Variants in LHFPL3 observed in about 807,000 individuals in gnomAD.
LHFPL3 encodes LHFPL tetraspan subfamily member 3 protein.
LHFPL3 carries 5 observed loss-of-function variants against 19.3 expected under a neutral mutation model. The observed-to-expected ratio is 0.26, with a 90% CI of 0.14 to 0.54. The LOEUF is 0.54. Ranked by LOEUF, LHFPL3 falls within the 20% of genes least tolerant of loss-of-function variation. The pLI, the probability that LHFPL3 is intolerant of heterozygous loss-of-function variation, is 0.94. For synonymous variants in LHFPL3, 133 were observed against 126.2 expected (o/e 1.05, Z -0.36); for missense variants, 249 against 307.4 (o/e 0.81, Z 1.42).
chr7:104,664,509 C>A (rs1363255180), intron 1 of LHFPL3, among the ~76,000 whole-genome samples: 1 of 152,198 alleles, frequency 6.6e-6, no homozygotes, highest in African/African-American at 2.4e-5. Flanking sequence ...TTTCCTGTCT[C>A]TACTATCCCC....
At chr7:104,758,233 T>G (rs1794318310) in intron 2 of LHFPL3, among the ~76,000 whole-genome samples, 1 of 152,152 alleles carries the variant, frequency 6.6e-6, no homozygotes, top group Non-Finnish European at 1.5e-5. Flanking sequence ...GAAAAACTAC[T>G]TATTGGGTAC....
At chr7:104,642,435 G>T (rs1432538736) in intron 1 of LHFPL3, among the ~76,000 whole-genome samples, 2 of 152,038 alleles carry the variant, frequency 1.3e-5, no homozygotes, top group Admixed American at 6.5e-5. Context: ...TGCTTTATTT[G>T]CTATTCCTCC....
intron 1 of LHFPL3, among the ~76,000 whole-genome samples, chr7:104,360,328 GCACCTGCTCATATGTCTGTA>G (rs1790366763): frequency 6.6e-6 from 1 of 152,150 alleles, no homozygotes; most frequent in East Asian, 1.9e-4. Flanking sequence ...TGCTTGCTGT[GCACCTGCTCATATGTCTGTA>G]CTCATGCTTG....
intron 2 of LHFPL3, among the ~76,000 whole-genome samples, chr7:104,876,895 G>T (rs1317090268): frequency 1.3e-5 from 2 of 152,180 alleles, no homozygotes; most frequent in African/African-American, 4.8e-5. Context: ...AACAATGATA[G>T]ACTGGATTAA....
intron 1 of LHFPL3, among the ~76,000 whole-genome samples, chr7:104,616,055 A>G (rs1791330495): frequency 1.3e-5 from 2 of 152,230 alleles, no homozygotes; most frequent in Admixed American, 1.3e-4. Flanking sequence ...GAAAATGGCC[A>G]TACTGCCCAA....
intron 1 of LHFPL3, among the ~76,000 whole-genome samples, chr7:104,443,099 G>T (rs1792258940): frequency 6.6e-6 from 1 of 152,140 alleles, no homozygotes; most frequent in African/African-American, 2.4e-5. Context: ...TTTTCAAAAA[G>T]TGTGGTTGGG....
chr7:104,748,338 G>C (rs573879039), intron 2 of LHFPL3, among the ~76,000 whole-genome samples: 25 of 148,980 alleles, frequency 1.7e-4, no homozygotes, highest in Non-Finnish European at 3.1e-4. Context: ...CCCGACACCC[G>C]TAAAGGGTCT....
At chr7:104,736,150 AC>A (rs1038837602) in intron 1 of LHFPL3, among the ~76,000 whole-genome samples, 6 of 152,180 alleles carry the variant, frequency 3.9e-5, no homozygotes, top group African/African-American at 1.4e-4. Flanking sequence ...GAGAAAAAAA[AC>A]AAAACTTTTC....
chr7:104,829,605 T>A (rs1487953701), intron 2 of LHFPL3, among the ~76,000 whole-genome samples: 1 of 151,648 alleles, frequency 6.6e-6, no homozygotes, highest in Non-Finnish European at 1.5e-5. Context: ...CTTGCAATAG[T>A]TTGCTGAGAA....
At chr7:104,440,899 C>A (rs550118389) in intron 1 of LHFPL3, among the ~76,000 whole-genome samples, 1 of 152,182 alleles carries the variant, frequency 6.6e-6, no homozygotes, top group South Asian at 2.1e-4. Context: ...AAAGACCGTG[C>A]ATATTTAATG....
intron 1 of LHFPL3, among the ~76,000 whole-genome samples, chr7:104,331,914 C>T (rs1054295539): frequency 2.0e-4 from 30 of 151,300 alleles, no homozygotes; most frequent in Non-Finnish European, 2.9e-5. Context: ...TGCACCAGTG[C>T]ACTCTAGTCT....
intron 1 of LHFPL3, among the ~76,000 whole-genome samples, chr7:104,519,947 AG>A (rs772750458): frequency 6.6e-6 from 1 of 152,016 alleles, no homozygotes; most frequent in Non-Finnish European, 1.5e-5. Flanking sequence ...GCATTGTCAA[AG>A]TCTTGGTGAA....
chr7:104,649,109 G>GT (rs1416151946), intron 1 of LHFPL3, among the ~76,000 whole-genome samples: 1 of 152,202 alleles, frequency 6.6e-6, no homozygotes, highest in Non-Finnish European at 1.5e-5. Flanking sequence ...TTGAGAGAGG[G>GT]TTTGACTGTT....
At chr7:104,745,711 C>A (rs1221916777) in intron 2 of LHFPL3, among the ~76,000 whole-genome samples, 1 of 152,112 alleles carries the variant, frequency 6.6e-6, no homozygotes, top group Non-Finnish European at 1.5e-5. Context: ...TCCAGAGCTG[C>A]CCTGGGTTGA....
At chr7:104,405,459 T>C (rs1485621945) in intron 1 of LHFPL3, among the ~76,000 whole-genome samples, 2 of 152,208 alleles carry the variant, frequency 1.3e-5, no homozygotes, top group Non-Finnish European at 2.9e-5. Flanking sequence ...ATAATGGTAG[T>C]TAACATTTAC....
At chr7:104,456,636 C>T (rs780620099) in intron 1 of LHFPL3, among the ~76,000 whole-genome samples, 19 of 152,156 alleles carry the variant, frequency 1.2e-4, no homozygotes, top group Admixed American at 2.6e-4. Flanking sequence ...ACTTAAATGA[C>T]GCACTTCATG....
chr7:104,833,002 A>ATATATATCTATTATATATAATAGATATAT (rs1790988319), intron 2 of LHFPL3, among the ~76,000 whole-genome samples: 25 of 44,116 alleles, frequency 5.7e-4, no homozygotes, highest in Non-Finnish European at 7.6e-4. Context: ...CATATATATT[A>ATATATATCTATTATATATAATAGATATAT]TATATATATA....
intron 2 of LHFPL3, among the ~76,000 whole-genome samples, chr7:104,830,683 T>C (rs1790934254): frequency 6.6e-6 from 1 of 151,978 alleles, no homozygotes; most frequent in Non-Finnish European, 1.5e-5. Flanking sequence ...TTCTGTTCCA[T>C]TAATCTATAT....
At chr7:104,340,348 G>A (rs750711758) in intron 1 of LHFPL3, among the ~76,000 whole-genome samples, 1 of 152,124 alleles carries the variant, frequency 6.6e-6, no homozygotes, top group African/African-American at 2.4e-5. Context: ...AAACTAGAAA[G>A]ACGAGTAGGC....
Sources: gnomAD v4.1 joint callset for allele counts (sites outside exome capture counted in the v4.1 genomes callset) on GRCh38, gnomAD v4.1.1 for gene constraint, MANE v1.5 for transcripts, NCBI Gene and HGNC (gene_info 2026-07-23, HGNC 2026-07-21) for gene names.